The following WWOX variants were observed in gnomAD, a reference collection of about 807,000 sequenced individuals.
The protein encoded by WWOX is WW domain containing oxidoreductase.
In WWOX, 69 loss-of-function variants were observed where a neutral mutation model predicts 46.2. The observed-to-expected ratio is 1.49, with a 90% CI of 1.23 to 1.82. WWOX has a LOEUF of 1.82. Ranked by LOEUF, WWOX falls within the 40% of genes most tolerant of loss-of-function variation. The pLI is 0.00. For synonymous variants in WWOX, 359 were observed against 202.6 expected (o/e 1.77, Z -6.56); for missense variants, 919 against 542.6 (o/e 1.69, Z -6.89).
chr16:78,850,125 G>A (rs1046126327), intron 8 of WWOX, among the ~76,000 whole-genome samples: 1 of 151,942 alleles, frequency 6.6e-6, no homozygotes, highest in African/African-American at 2.4e-5. Context: ...GTCTACAGAA[G>A]TTTTCACTAC....
chr16:78,990,277 G>A (rs2046860860), intron 8 of WWOX, among the ~76,000 whole-genome samples: 1 of 151,860 alleles, frequency 6.6e-6, no homozygotes, highest in East Asian at 1.9e-4. Flanking sequence ...TGTAATTGCT[G>A]CCTGTTTTCC....
intron 8 of WWOX, among the ~76,000 whole-genome samples, chr16:78,678,803 A>G (rs116481427): frequency 6.6e-6 from 1 of 152,102 alleles, no homozygotes. Flanking sequence ...AGTGCTTTAC[A>G]TGCATCCCCT....
chr16:79,140,774 G>C (rs1597411479), intron 8 of WWOX, among the ~76,000 whole-genome samples: 1 of 152,186 alleles, frequency 6.6e-6, no homozygotes, highest in Admixed American at 6.5e-5. Context: ...GCAGAGGCAA[G>C]TCTGCTTGTT....
Position 78,248,259 on chromosome 16 carries a change from T to C in WWOX, c.516+83970T>C, listed in dbSNP as rs80045402. On this transcript the variant is annotated intron_variant, in intron 5 of 8. Coordinates refer to ENST00000566780, the MANE Select transcript of WWOX (RefSeq NM_016373.4). ...TGGAAGGCAAAGGGGAAGGAAAGCATCTCACATGGTGCAAACAGGAGCAAG... is the reference window on the plus strand; with the variant it reads ...TGGAAGGCAAAGGGGAAGGAAAGCACCTCACATGGTGCAAACAGGAGCAAG... Among the ~76,000 whole-genome samples, 477 of 152,222 alleles carry C rather than the reference T, an allele frequency of 3.1e-3. 2 individuals are homozygous for C. Among genetic ancestry groups the C allele is most frequent in the African/African-American group, 0.011 (456 of 41,546 alleles).
intron 8 of WWOX, among the ~76,000 whole-genome samples, chr16:78,508,782 C>G (rs939176724): frequency 6.6e-6 from 1 of 152,186 alleles, no homozygotes; most frequent in Admixed American, 6.5e-5. Context: ...CGATGTCTCT[C>G]CACAGGGCTG....
intron 8 of WWOX, chr16:79,016,890 A>C (rs1177160501): frequency 6.6e-6 from 1 of 152,036 alleles, no homozygotes; most frequent in East Asian, 1.9e-4. Context: ...TCATCGTCTT[A>C]TTATGTTTTC....
intron 8 of WWOX, among the ~76,000 whole-genome samples, chr16:78,455,798 A>AAG (rs370589344): frequency 7.4e-6 from 1 of 134,786 alleles, no homozygotes; most frequent in East Asian, 2.0e-4. Flanking sequence ...AGGTTAAAAA[A>AAG]AAAAAAAAGG....
chr16:78,248,984 G>A (rs1383808036), intron 5 of WWOX, among the ~76,000 whole-genome samples: 2 of 150,714 alleles, frequency 1.3e-5, no homozygotes, highest in African/African-American at 2.4e-5. Flanking sequence ...AGCCTCCGGA[G>A]CAGCTGGGAC....
chr16:78,328,303 C>T (rs2080676076), intron 5 of WWOX, among the ~76,000 whole-genome samples: 1 of 152,136 alleles, frequency 6.6e-6, no homozygotes, highest in Admixed American at 6.5e-5. Flanking sequence ...TTTTTCTTGT[C>T]ATGTGATTTG....
At chr16:79,005,408 C>T (rs1409238071) in intron 8 of WWOX, among the ~76,000 whole-genome samples, 1 of 152,186 alleles carries the variant, frequency 6.6e-6, no homozygotes, top group African/African-American at 2.4e-5. Flanking sequence ...GTTTCTTAGG[C>T]GTGCCACGTA....
chr16:78,269,806 A>G (rs7191180), intron 5 of WWOX, among the ~76,000 whole-genome samples: 36,566 of 152,056 alleles, frequency 0.24, 5,468 homozygotes, highest in African/African-American at 0.41. Flanking sequence ...AAAATTGCTC[A>G]GGCTGTTTGA....
intron 7 of WWOX, among the ~76,000 whole-genome samples, chr16:78,426,654 GTTAT>G (rs1486641626): frequency 3.3e-5 from 5 of 152,018 alleles, no homozygotes; most frequent in Non-Finnish European, 7.4e-5. Flanking sequence ...TTTGCACATC[GTTAT>G]TTATTATTAC....
intron 8 of WWOX, among the ~76,000 whole-genome samples, chr16:79,123,339 C>T (rs1009669768): frequency 1.3e-5 from 2 of 152,172 alleles, no homozygotes; most frequent in Non-Finnish European, 2.9e-5. Context: ...CCATAAAATA[C>T]TGCACATCTT....
chr16:78,614,443 C>G (rs183818721), intron 8 of WWOX, among the ~76,000 whole-genome samples: 1 of 152,354 alleles, frequency 6.6e-6, no homozygotes, highest in Admixed American at 6.5e-5. Context: ...ATCTCCTATA[C>G]TCTGGCTGGG....
chr16:78,748,804 G>A (rs1460380443), intron 8 of WWOX, among the ~76,000 whole-genome samples: 4 of 152,202 alleles, frequency 2.6e-5, no homozygotes, highest in African/African-American at 9.6e-5. Flanking sequence ...CTCTGACACG[G>A]CAAACACAGA....
At chr16:78,769,371 C>G (rs969815860) in intron 8 of WWOX, among the ~76,000 whole-genome samples, 2 of 152,062 alleles carry the variant, frequency 1.3e-5, no homozygotes, top group Non-Finnish European at 2.9e-5. Context: ...CCCTCTCTTC[C>G]CCTCCTTCCT....
chr16:78,942,858 G>A (rs2045878946), intron 8 of WWOX, among the ~76,000 whole-genome samples: 1 of 152,152 alleles, frequency 6.6e-6, no homozygotes, highest in Non-Finnish European at 1.5e-5. Flanking sequence ...CAGGTCCTAG[G>A]TCAAAGACAG....
intron 8 of WWOX, among the ~76,000 whole-genome samples, chr16:78,835,551 C>G (rs912988669): frequency 6.6e-6 from 1 of 152,174 alleles, no homozygotes; most frequent in Non-Finnish European, 1.5e-5. Context: ...AATGTTCACA[C>G]AGTTGTTCAC....
At chr16:78,374,724 G>T (rs183208617) in intron 5 of WWOX, among the ~76,000 whole-genome samples, 136 of 151,604 alleles carry the variant, frequency 9.0e-4, no homozygotes, top group African/African-American at 3.2e-3. Context: ...AATTTTTTTT[G>T]TATTATTAGT....
Sources: allele counts gnomAD v4.1 joint callset (sites outside exome capture counted in the v4.1 genomes callset), GRCh38; gene constraint gnomAD v4.1.1; transcripts MANE v1.5; gene names NCBI Gene and HGNC (gene_info 2026-07-23, HGNC 2026-07-21).